ZNF593OS: variants seen among roughly 807,000 people sequenced by gnomAD.
ZNF593OS encodes the protein transmembrane protein ZNF593OS.
rs745836249 is a variant in ZNF593OS, at chr1:26,170,744, A to G, written c.*445T>C. On this transcript the variant is annotated 3_prime_UTR_variant, in exon 2 of 2. Transcript: ENST00000648649. ...TGGCCTGAAGATGCAGGGCAGAGGA[A>G]TTGCCCATGGACAGTGACGCAAGGA... 4.4e-6 allele frequency: 7 copies of G among 1,594,100 alleles called. No individual in the cohort carries two copies. The East Asian group carries it at 8.9e-5, about 20-fold the overall frequency.
rs2088494746 is a variant in ZNF593OS at position 26,171,298 on chromosome 1, C to T, written c.83G>A (p.Ser28Asn). The T allele has an allele frequency of 2.5e-6, 1 of 401,720 alleles. No individual in the cohort carries two copies. The highest frequency in any genetic ancestry group is 4.4e-6 in the Non-Finnish European group (1 of 228,090). The allele number at this position is 401,720 out of a possible 1,614,324, so 24.9% of individuals were successfully genotyped here. Residue 28 changes from serine (S) to asparagine (N), a missense_variant, in exon 2 of 2, where the codon AGT becomes AAT. Ser to Asn is a conservative substitution (Grantham distance 46). Coordinates refer to ENST00000648649, the Ensembl canonical transcript of ZNF593OS. The surrounding 1 kb of genome is among the most constrained non-coding windows in gnomAD (Gnocchi z 5.5). ...TGTAGCCACAACTCCTGCCAGCAGA[C>T]TCCGGGGCTCTGCCTTCAGCTCACC... is the stretch of plus-strand genomic sequence containing the variant.
rs1323860932 is a variant in ZNF593OS at position 26,171,795 on chromosome 1, C to G, written c.-134G>C. On this transcript the variant is annotated 5_prime_UTR_variant, in exon 1 of 2. Transcript: ENST00000648649. This position sits in a 1 kb window ranked among gnomAD's most constrained non-coding sequence, Gnocchi z 5.5. ...CTTCCACATACGCAAGACCCAAGCT[C>G]TCAGAGGATGCTCACCCGCGCCTGC... 2.5e-5 allele frequency: 10 copies of G among 397,088 alleles called. No individual in the cohort carries two copies. In the East Asian group the frequency reaches 3.6e-4, roughly 14 times the overall value. 24.6% of individuals were successfully genotyped at this position (397,088 alleles called of 1,614,324 possible). A position where few individuals can be genotyped will look rare whatever the true frequency, so the allele number is the denominator to read the frequency against.
chr1:26,171,144 C>A lies in ZNF593OS; in HGVS notation c.*45G>T, dbSNP rs976446232. 24 of 409,656 alleles carry A rather than the reference C, an allele frequency of 5.9e-5. No homozygotes were observed. In the East Asian group the frequency reaches 7.4e-4, roughly 13 times the overall value. The allele number at this position is 409,656 out of a possible 1,614,324, so 25.4% of individuals were successfully genotyped here. ...GGCTTCTGAGATTGCACCCCCCTCC[C>A]GAGTCACCTACCCCCAGCATCCAAG... On this transcript the variant is annotated 3_prime_UTR_variant, in exon 2 of 2. Transcript: ENST00000648649. This position sits in a 1 kb window ranked among gnomAD's most constrained non-coding sequence, Gnocchi z 5.5.
chr1:26,170,012 A>G (rs1395052972), downstream of ZNF593OS: 1 of 1,559,920 alleles, frequency 6.4e-7, no homozygotes, highest in Non-Finnish European at 8.6e-7. Context: ...ACAGGCGCGC[A>G]CCGAGCGCAC....
downstream of ZNF593OS, chr1:26,170,379 A>C: frequency 6.3e-7 from 1 of 1,595,130 alleles, no homozygotes; most frequent in Non-Finnish European, 8.6e-7. Context: ...TTGGGAGACT[A>C]TCACCTCCTC....
chr1:26,170,099 G>A (rs2088470482), downstream of ZNF593OS: 1 of 1,570,688 alleles, frequency 6.4e-7, no homozygotes, highest in Non-Finnish European at 8.6e-7. Flanking sequence ...CGGCCTCAGG[G>A]ATCCGCACGA....
At position 26,170,562 on chromosome 1, in the gene ZNF593OS, T is replaced by G. The variant is rs762050582; in HGVS notation, c.*627A>C. 3 of 1,614,024 alleles carry G rather than the reference T, an allele frequency of 1.9e-6. No individual in the cohort carries two copies. In the East Asian group the frequency reaches 6.7e-5, roughly 36 times the overall value. ...CCTGGTCAGCTCCCAACTCCTGTTTTTCTTTCTCCCAGGCTGAAGCAGCTG... is the reference window on the plus strand; with the variant it reads ...CCTGGTCAGCTCCCAACTCCTGTTTGTCTTTCTCCCAGGCTGAAGCAGCTG... On this transcript the variant is annotated 3_prime_UTR_variant, in exon 2 of 2. Transcript: ENST00000648649.
chr1:26,169,806 T>G, downstream of ZNF593OS: 4 of 661,242 alleles, frequency 6.0e-6, no homozygotes, highest in Non-Finnish European at 7.1e-6. Context: ...GTCACTGACG[T>G]CGACGGCCGC....
At chr1:26,169,996 C>T, downstream of ZNF593OS, 2 of 1,549,010 alleles carry the variant, frequency 1.3e-6, no homozygotes, top group Non-Finnish European at 1.7e-6. Context: ...GGGTCGCTCC[C>T]GCCGGACAGG....
chr1:26,170,323 G>A, downstream of ZNF593OS: 3 of 1,532,430 alleles, frequency 2.0e-6, no homozygotes, highest in South Asian at 2.4e-5. Flanking sequence ...TCTCAGACCC[G>A]GATCCTGGCG....
rs1417216363 is a variant in ZNF593OS, at chr1:26,171,550, C to T, written c.45+67G>A. The stretch of plus-strand genomic sequence containing the variant: ...GTGACAGCCTGGCTGTTGGGGGTGT[C>T]AACCCAGCTATGGTAGGGGGAGGAA... On this transcript the variant is annotated intron_variant, in intron 1 of 1. Coordinates refer to ENST00000648649, the Ensembl canonical transcript of ZNF593OS. This position sits in a 1 kb window ranked among gnomAD's most constrained non-coding sequence, Gnocchi z 5.5. 9 of 398,508 alleles carry T rather than the reference C, an allele frequency of 2.3e-5. No homozygotes were observed. The highest frequency in any genetic ancestry group is 4.0e-5 in the Non-Finnish European group (9 of 226,128). 24.7% of individuals were successfully genotyped at this position (398,508 alleles called of 1,614,324 possible). A position where few individuals can be genotyped will look rare whatever the true frequency, so the allele number is the denominator to read the frequency against.
In ZNF593OS at chr1:26,171,358, C is replaced by T. The variant is rs920144265; in HGVS notation, c.46-23G>A. The stretch of plus-strand genomic sequence containing the variant: ...CATCTGGAGGTGCACAGAGGGTGTG[C>T]CTCAGGGGTCAGTTGAGACTGCCAG... On this transcript the variant is annotated intron_variant, in intron 1 of 1. Coordinates refer to ENST00000648649, the Ensembl canonical transcript of ZNF593OS. This position sits in a 1 kb window ranked among gnomAD's most constrained non-coding sequence, Gnocchi z 5.5. 2.5e-5 allele frequency: 10 copies of T among 400,050 alleles called. No homozygotes were observed. The Admixed American group carries it at 4.4e-4, about 17-fold the overall frequency. The allele number at this position is 400,050 out of a possible 1,614,324, so 24.8% of individuals were successfully genotyped here.
chr1:26,171,388 G>A lies in ZNF593OS; in HGVS notation c.46-53C>T. 1 of 399,500 alleles carries A rather than the reference G, an allele frequency of 2.5e-6. No individual in the cohort carries two copies. 24.7% of individuals were successfully genotyped at this position (399,500 alleles called of 1,614,324 possible). A position where few individuals can be genotyped will look rare whatever the true frequency, so the allele number is the denominator to read the frequency against. On this transcript the variant is annotated intron_variant, in intron 1 of 1. Coordinates refer to ENST00000648649, the Ensembl canonical transcript of ZNF593OS. The surrounding 1 kb of genome is among the most constrained non-coding windows in gnomAD (Gnocchi z 5.5). ...GGGGTCAGTTGAGACTGCCAGGAAG[G>A]TGGGGAGTGGGAAAGGGCTGAGTAG...
exon 2 of ZNF593OS, chr1:26,170,764 C>T (rs776356980): frequency 6.3e-7 from 1 of 1,578,876 alleles, no homozygotes; most frequent in Non-Finnish European, 8.6e-7. Flanking sequence ...GACAGTGACG[C>T]AAGGACTAGG....
downstream of ZNF593OS, chr1:26,170,142 C>A: frequency 6.4e-7 from 1 of 1,571,984 alleles, no homozygotes; most frequent in East Asian, 2.4e-5. Flanking sequence ...AGTTCGACCC[C>A]GACCTGCCAG....
downstream of ZNF593OS, chr1:26,170,157 C>T: frequency 6.4e-7 from 1 of 1,570,728 alleles, no homozygotes. Flanking sequence ...TGCCAGGGGG[C>T]GGTCTGCACC....
rs137855017 is a variant in ZNF593OS at position 26,170,603 on chromosome 1, A to T, written c.*586T>A. 1.2e-6 allele frequency: 2 copies of T among 1,613,724 alleles called. No individual in the cohort carries two copies. Among genetic ancestry groups the T allele is most frequent in the South Asian group, 1.1e-5 (1 of 91,084 alleles). ...GAAGCAGCTGAGCGTCGAGCCCTAC[A>T]GTCAGGAAGAGGCGGAGAGGGCAGC... On this transcript the variant is annotated 3_prime_UTR_variant, in exon 2 of 2. Transcript: ENST00000648649.
downstream of ZNF593OS, chr1:26,170,079 C>A: frequency 6.4e-7 from 1 of 1,572,854 alleles, no homozygotes; most frequent in South Asian, 1.2e-5. Flanking sequence ...ATGAGATTCA[C>A]CGCGAGCTGC....
chr1:26,170,304 C>T, downstream of ZNF593OS: 4 of 1,524,468 alleles, frequency 2.6e-6, no homozygotes, highest in South Asian at 4.9e-5. Context: ...GGTCCGCCCG[C>T]CTCCCGTTTC....
Sources: allele counts gnomAD v4.1 joint callset, GRCh38; gene constraint gnomAD v4.1.1; non-coding constraint Gnocchi (gnomAD v3.1); transcripts MANE v1.5; gene names NCBI Gene and HGNC (gene_info 2026-07-23, HGNC 2026-07-21).